TECPR2: variants seen among roughly 807,000 people sequenced by gnomAD.
TECPR2 encodes the protein tectonin beta-propeller repeat-containing protein 2.
TECPR2 carries 65 observed loss-of-function variants against 138.1 expected under a neutral mutation model. The ratio of observed to expected loss-of-function variants is 0.47; its 90% CI spans 0.39 to 0.58. TECPR2 has a LOEUF of 0.58. TECPR2 is among the 20% of genes least tolerant of loss of function. The pLI, the probability that TECPR2 is intolerant of heterozygous loss-of-function variation, is 0.00. For synonymous variants in TECPR2, 746 were observed against 749.8 expected (o/e 0.99, Z 0.08); for missense variants, 1,553 against 1,824.5 (o/e 0.85, Z 2.71).
intron 17 of TECPR2, among the ~76,000 whole-genome samples, chr14:102,470,307 A>ATT (rs36013716): frequency 2.1e-5 from 3 of 142,264 alleles, no homozygotes; most frequent in Admixed American, 7.1e-5. Context: ...TCTATTCAGA[A>ATT]TTTTTTTTTT....
intron 2 of TECPR2, among the ~76,000 whole-genome samples, chr14:102,396,399 G>A (rs932490635): frequency 3.3e-5 from 5 of 152,084 alleles, no homozygotes; most frequent in Admixed American, 6.5e-5. Context: ...CACTGCACCC[G>A]GCCCATCTTT....
At chr14:102,496,899 G>A in intron 17 of TECPR2, 80 bp from the exon 18 acceptor site, 2 of 1,566,218 alleles carry the variant, frequency 1.3e-6, no homozygotes, top group East Asian at 4.5e-5. Flanking sequence ...CCACTAACAT[G>A]TCCCCAGTTC....
chr14:102,451,445 C>G (rs1890137535), intron 15 of TECPR2, among the ~76,000 whole-genome samples: 1 of 152,178 alleles, frequency 6.6e-6, no homozygotes. Context: ...GACCACAGTT[C>G]TGGAACCCAG....
chr14:102,365,447 C>G lies in TECPR2; in HGVS notation c.-73+2331C>G, dbSNP rs138614272. ...AGGGACTTTGTTCTGCAGAGACATA[C>G]AGGTTATGGTGTGTGCAGGGACTGT... is the stretch of plus-strand genomic sequence containing the variant. On this transcript the variant is annotated intron_variant, in intron 1 of 19. Transcript: ENST00000359520. Among the ~76,000 whole-genome samples the G allele has an allele frequency of 2.8e-4, 43 of 152,258 alleles. 1 individual carries two copies. Among genetic ancestry groups the G allele is most frequent in the East Asian group, 5.8e-4 (3 of 5,178 alleles).
chr14:102,476,206 C>CAAAAAAAAA (rs58293049), intron 17 of TECPR2, among the ~76,000 whole-genome samples: 7 of 59,680 alleles, frequency 1.2e-4, no homozygotes, highest in African/African-American at 5.1e-4. Flanking sequence ...GACTCTGTCT[C>CAAAAAAAAA]AAAAAAAAAA....
chr14:102,393,986 A>G (rs1888249615), intron 2 of TECPR2, among the ~76,000 whole-genome samples: 1 of 152,234 alleles, frequency 6.6e-6, no homozygotes, highest in African/African-American at 2.4e-5. Context: ...TTATAATGAT[A>G]AATTTCTAAG....
intron 17 of TECPR2, among the ~76,000 whole-genome samples, chr14:102,485,856 G>A (rs35414481): frequency 0.22 from 32,957 of 152,184 alleles, 4,278 homozygotes; most frequent in Middle Eastern, 0.3. Context: ...AGACCAGGGT[G>A]TGTGCCACTG....
At chr14:102,453,411 C>T (rs368540116) in intron 16 of TECPR2, among the ~76,000 whole-genome samples, 1 of 151,014 alleles carries the variant, frequency 6.6e-6, no homozygotes, top group Admixed American at 6.6e-5. Context: ...ACCCGGGAGG[C>T]GGGGGTTGCA....
intron 17 of TECPR2, among the ~76,000 whole-genome samples, chr14:102,491,301 A>C (rs1488116935): frequency 6.6e-6 from 1 of 151,730 alleles, no homozygotes; most frequent in African/African-American, 2.4e-5. Context: ...CTGCAGCCTC[A>C]AACTCCTGGG....
intron 4 of TECPR2, among the ~76,000 whole-genome samples, chr14:102,411,082 TC>T (rs1204222141): frequency 6.6e-6 from 1 of 152,014 alleles, no homozygotes; most frequent in African/African-American, 2.4e-5. Flanking sequence ...TCTTCTAACA[TC>T]CCCACGATAT....
intron 7 of TECPR2, among the ~76,000 whole-genome samples, chr14:102,429,388 A>G (rs1217241250): frequency 6.6e-6 from 1 of 152,214 alleles, no homozygotes; most frequent in Non-Finnish European, 1.5e-5. Context: ...TAGAATATTT[A>G]AATCTGTCAT....
intron 10 of TECPR2, among the ~76,000 whole-genome samples, chr14:102,439,227 G>T (rs1889765263): frequency 6.6e-6 from 1 of 152,062 alleles, no homozygotes; most frequent in Non-Finnish European, 1.5e-5. Context: ...GGACACTTTT[G>T]CCTTGAAGCA....
At chr14:102,454,530 C>T (rs1890229370) in intron 16 of TECPR2, among the ~76,000 whole-genome samples, 1 of 152,182 alleles carries the variant, frequency 6.6e-6, no homozygotes, top group African/African-American at 2.4e-5. Flanking sequence ...AGAACACCCG[C>T]CTCTCCACAT....
intron 8 of TECPR2, among the ~76,000 whole-genome samples, chr14:102,433,660 A>G (rs1595123125): frequency 1.3e-5 from 2 of 152,154 alleles, no homozygotes. Context: ...AGCTGGGATT[A>G]CAGGTGCCCA....
chr14:102,501,371 G>A lies in TECPR2; in HGVS notation c.*3114G>A, dbSNP rs1242800633. ...CAGAGGAAAATAAGTACATAGATTT[G>A]ATTTCTCCAAAATACAGAAATGCTG... On this transcript the variant is annotated 3_prime_UTR_variant, in exon 20 of 20. Coordinates refer to ENST00000359520, the MANE Select transcript of TECPR2 (RefSeq NM_014844.5). 1.3e-5 allele frequency: 2 copies of A among 152,208 alleles called. No homozygotes were observed. Among genetic ancestry groups the A allele is most frequent in the Admixed American group, 1.3e-4 (2 of 15,272 alleles). 9.4% of individuals were successfully genotyped at this position (152,208 alleles called of 1,614,324 possible).
intron 7 of TECPR2, 108 bp from the exon 8 acceptor site, chr14:102,431,688 T>C (rs577129148): frequency 8.9e-7 from 1 of 1,128,306 alleles, no homozygotes; most frequent in South Asian, 1.7e-5. Flanking sequence ...GTTCTTTAGC[T>C]GGCTGGTGCC....
intron 15 of TECPR2, among the ~76,000 whole-genome samples, chr14:102,451,684 A>C (rs1259219866): frequency 1.3e-5 from 2 of 152,126 alleles, no homozygotes; most frequent in Non-Finnish European, 2.9e-5. Context: ...AATCCAGAAA[A>C]AGTTTGAATT....
chr14:102,490,657 G>T (rs1337560355), intron 17 of TECPR2, among the ~76,000 whole-genome samples: 1 of 152,208 alleles, frequency 6.6e-6, no homozygotes, highest in Non-Finnish European at 1.5e-5. Flanking sequence ...CCAGACTCAG[G>T]CAGAGCAGAC....
chr14:102,443,769 C>T lies in TECPR2; in HGVS notation c.2875C>T (p.Arg959Trp), dbSNP rs762185786. The change falls in exon 12 of 20, where the codon CGG becomes TGG. Residue 959 changes from arginine to tryptophan, a missense_variant. Transcript: ENST00000359520. This position sits in a 1 kb window ranked among gnomAD's most constrained non-coding sequence, Gnocchi z 4.9. Reference sequence around the variant, plus strand: ...GACAGAGCAGAGGGCCCTCCTGTACCGGGAGGGCGTGAGCAGCTTCTGTCC... The same window carrying T: ...GACAGAGCAGAGGGCCCTCCTGTACTGGGAGGGCGTGAGCAGCTTCTGTCC... ...ALTEQRALLY[R>W]EGVSSFCPEG... The T allele has an allele frequency of 4.2e-5, 68 of 1,608,934 alleles. No individual in the cohort carries two copies. Among genetic ancestry groups the T allele is most frequent in the Non-Finnish European group, 5.6e-5 (66 of 1,176,480 alleles).
Sources: gnomAD v4.1 joint callset for allele counts (sites outside exome capture counted in the v4.1 genomes callset) on GRCh38, gnomAD v4.1.1 for gene constraint, Gnocchi (gnomAD v3.1) non-coding constraint, MANE v1.5 for transcripts, NCBI Gene and HGNC (gene_info 2026-07-23, HGNC 2026-07-21) for gene names.